The following ANO6 variants were observed in gnomAD, a reference collection of about 807,000 sequenced individuals.
The protein encoded by ANO6 is anoctamin 6.
A neutral mutation model predicts 117.5 loss-of-function variants in ANO6; 106 were observed. The observed-to-expected ratio is 0.90, with a 90% confidence interval of 0.77 to 1.06. The LOEUF is 1.06. ANO6 is among the 50% of genes least tolerant of loss of function. The pLI is 0.00. For synonymous variants in ANO6, 367 were observed against 385.1 expected (o/e 0.95, Z 0.55); for missense variants, 955 against 1,121.1 (o/e 0.85, Z 2.12).
chr12:45,331,166 G>A (rs976932899), intron 2 of ANO6, 129 bp from the exon 3 acceptor site: 10 of 776,980 alleles, frequency 1.3e-5, no homozygotes, highest in Non-Finnish European at 2.1e-5. Context: ...ATGACTGTTT[G>A]GTAAGCTAAC....
At chr12:45,422,698 C>A (rs1453141908) in intron 18 of ANO6, among the ~76,000 whole-genome samples, 6 of 152,024 alleles carry the variant, frequency 3.9e-5, no homozygotes, top group Admixed American at 2.0e-4. Context: ...CCTCAGCCAC[C>A]AAATAGCTGC....
chr12:45,247,593 A>C (rs1313713508), intron 1 of ANO6, among the ~76,000 whole-genome samples: 1 of 152,186 alleles, frequency 6.6e-6, no homozygotes, highest in Non-Finnish European at 1.5e-5. Flanking sequence ...GCTTAAACAG[A>C]AATTTTCTCA....
chr12:45,396,205 A>G (rs1942607563), intron 12 of ANO6, among the ~76,000 whole-genome samples: 1 of 152,204 alleles, frequency 6.6e-6, no homozygotes, highest in African/African-American at 2.4e-5. Flanking sequence ...TTAGGAGACA[A>G]ACGAAGAGCC....
intron 1 of ANO6, among the ~76,000 whole-genome samples, chr12:45,255,955 G>A (rs1937809519): frequency 6.6e-6 from 1 of 151,638 alleles, no homozygotes; most frequent in African/African-American, 2.4e-5. Flanking sequence ...CCGAGTAGCT[G>A]GGATTACAGG....
At chr12:45,346,912 T>A in intron 3 of ANO6, 110 bp from the exon 4 acceptor site, 2 of 970,182 alleles carry the variant, frequency 2.1e-6, no homozygotes, top group Non-Finnish European at 3.2e-6. Context: ...ATGCATTTCT[T>A]TTTCAGGTCC....
intron 1 of ANO6, among the ~76,000 whole-genome samples, chr12:45,243,714 T>C (rs1303085207): frequency 1.3e-5 from 2 of 152,162 alleles, no homozygotes; most frequent in Non-Finnish European, 2.9e-5. Flanking sequence ...CATGCCTGGC[T>C]AATTTTTGTG....
At chr12:45,406,878 G>T (rs1942948468) in intron 15 of ANO6, among the ~76,000 whole-genome samples, 1 of 152,234 alleles carries the variant, frequency 6.6e-6, no homozygotes, top group Non-Finnish European at 1.5e-5. Context: ...TGAAGAGGAA[G>T]TGAGATGTAA....
chr12:45,314,691 G>A (rs1003758417), intron 2 of ANO6, among the ~76,000 whole-genome samples: 2 of 151,994 alleles, frequency 1.3e-5, no homozygotes, highest in East Asian at 1.9e-4. Flanking sequence ...GATATAATCA[G>A]GATTTTACCA....
chr12:45,284,883 T>G (rs1392636482), intron 1 of ANO6, among the ~76,000 whole-genome samples: 2 of 152,204 alleles, frequency 1.3e-5, no homozygotes, highest in Non-Finnish European at 2.9e-5. Context: ...AGACATTTAA[T>G]CCTGGAACAA....
rs940598022 is a variant in ANO6 at position 45,403,099 on chromosome 12, A to G, written c.1640A>G (p.Glu547Gly). The change falls in exon 14 of 20, where the codon GAG (glutamate) becomes GGG (glycine). Residue 547 changes from glutamate to glycine, a missense_variant. By Grantham distance (98) the Glu-to-Gly change is moderately conservative. Coordinates refer to ENST00000320560, the MANE Select transcript of ANO6 (RefSeq NM_001025356.3). ...CTCCCAAGGACCCAGACTGATTATGAGAACAGCCTCACCATGAAGATGTTC... is the reference window on the plus strand; with the variant it reads ...CTCCCAAGGACCCAGACTGATTATGGGAACAGCCTCACCATGAAGATGTTC... ...FELPRTQTDY[E>G]NSLTMKMFLF... 6.2e-7 allele frequency: 1 copy of G among 1,614,006 alleles called. No individual in the cohort carries two copies.
At chr12:45,333,754 C>T (rs1329563122) in intron 3 of ANO6, among the ~76,000 whole-genome samples, 1 of 151,978 alleles carries the variant, frequency 6.6e-6, no homozygotes, top group African/African-American at 2.4e-5. Flanking sequence ...ACTTTGGAAT[C>T]ATGTTTTTCT....
chr12:45,396,835 C>T (rs1942628235), intron 12 of ANO6, among the ~76,000 whole-genome samples: 1 of 152,114 alleles, frequency 6.6e-6, no homozygotes, highest in Admixed American at 6.5e-5. Context: ...AAAATTAATT[C>T]AAGATGGATT....
intron 1 of ANO6, among the ~76,000 whole-genome samples, chr12:45,237,655 C>T (rs776417906): frequency 8.5e-5 from 13 of 152,098 alleles, no homozygotes; most frequent in Non-Finnish European, 1.3e-4. Flanking sequence ...AGTCAGGTAG[C>T]GTGATGCCTC....
chr12:45,270,234 G>T (rs2137231776), intron 1 of ANO6, among the ~76,000 whole-genome samples: 1 of 152,312 alleles, frequency 6.6e-6, no homozygotes, highest in African/African-American at 2.4e-5. Flanking sequence ...CTTTTTAGAA[G>T]GTGCTCAGGT....
chr12:45,228,137 T>C, intron 1 of ANO6: 1 of 395,766 alleles, frequency 2.5e-6, no homozygotes, highest in Non-Finnish European at 4.9e-6. Flanking sequence ...TTTTTTTTTT[T>C]TTTTTTGACA....
intron 19 of ANO6, among the ~76,000 whole-genome samples, chr12:45,438,474 C>T (rs1202808306): frequency 6.6e-6 from 1 of 151,960 alleles, no homozygotes; most frequent in East Asian, 1.9e-4. Flanking sequence ...GTGGAAAATT[C>T]CACATCTGAC....
At chr12:45,342,649 C>T (rs1022214099) in intron 3 of ANO6, among the ~76,000 whole-genome samples, 11 of 152,110 alleles carry the variant, frequency 7.2e-5, no homozygotes, top group African/African-American at 1.2e-4. Context: ...TAGTTCATTC[C>T]GGCTTAACAG....
intron 1 of ANO6, among the ~76,000 whole-genome samples, chr12:45,273,426 G>A (rs1054522105): frequency 6.6e-6 from 1 of 152,122 alleles, no homozygotes; most frequent in African/African-American, 2.4e-5. Flanking sequence ...ATTTGATTTG[G>A]GGAAGGCAGC....
At chr12:45,225,569 A>G (rs188182062) in intron 1 of ANO6, among the ~76,000 whole-genome samples, 14 of 152,014 alleles carry the variant, frequency 9.2e-5, no homozygotes, top group Admixed American at 6.5e-4. Context: ...GCTCACTGCA[A>G]GCTCCACCTC....
Sources: allele counts gnomAD v4.1 joint callset (sites outside exome capture counted in the v4.1 genomes callset), GRCh38; gene constraint gnomAD v4.1.1; transcripts MANE v1.5; gene names NCBI Gene and HGNC (gene_info 2026-07-23, HGNC 2026-07-21).